The following KRT80 variants were observed in gnomAD, a reference collection of about 807,000 sequenced individuals.
KRT80 encodes keratin 80, also known as keratin, type II cytoskeletal 80.
In KRT80, 36 loss-of-function variants were observed where a neutral mutation model predicts 51.5. That is an observed-to-expected ratio of 0.70 (90% confidence interval 0.54 to 0.92). The LOEUF (loss-of-function observed/expected upper bound fraction) is 0.92. Among genes scored for constraint, KRT80 ranks in the 40% least tolerant of loss-of-function variants. The pLI is 0.00. For synonymous variants in KRT80, 235 were observed against 248.3 expected (o/e 0.95, Z 0.50); for missense variants, 566 against 591.7 (o/e 0.96, Z 0.45).
intron 2 of KRT80, among the ~76,000 whole-genome samples, chr12:52,182,203 G>C (rs1040169995): frequency 6.5e-4 from 99 of 152,302 alleles, no homozygotes; most frequent in African/African-American, 2.3e-3. Flanking sequence ...GCAGGCCGGG[G>C]AGAACGTTCT....
intron 4 of KRT80, among the ~76,000 whole-genome samples, chr12:52,178,321 G>A (rs1487436791): frequency 5.9e-5 from 9 of 152,214 alleles, no homozygotes; most frequent in Admixed American, 4.6e-4. Flanking sequence ...GGTCCAAGTC[G>A]TGAGACAACC....
At chr12:52,176,275 T>C (rs893232720) in intron 4 of KRT80, among the ~76,000 whole-genome samples, 4 of 152,178 alleles carry the variant, frequency 2.6e-5, no homozygotes, top group Non-Finnish European at 4.4e-5. Flanking sequence ...ATGGGACCCC[T>C]GGAGAGCACG....
At chr12:52,182,072 A>G (rs569079557) in intron 2 of KRT80, among the ~76,000 whole-genome samples, 1 of 152,238 alleles carries the variant, frequency 6.6e-6, no homozygotes, top group Admixed American at 6.5e-5. Flanking sequence ...ACCCAATGGC[A>G]GGGCACGTGG....
intron 4 of KRT80, among the ~76,000 whole-genome samples, chr12:52,180,090 T>G (rs1941294022): frequency 6.6e-6 from 1 of 152,216 alleles, no homozygotes; most frequent in Non-Finnish European, 1.5e-5. Flanking sequence ...GGCAGGCCTA[T>G]CAGAACTAGC....
intron 1 of KRT80, 68 bp downstream of exon 1, chr12:52,191,535 A>T: frequency 6.9e-7 from 1 of 1,443,756 alleles, no homozygotes; most frequent in Non-Finnish European, 9.4e-7. Flanking sequence ...GCTCAGGGAA[A>T]CACAGAGCTC....
Position 52,171,373 on chromosome 12 carries a change from C to A in KRT80, c.*25G>T. ...GTCCCTCCTGCTGCAGTGGAGTGCC[C>A]TGGGGTTCCTGGGGTCCAGCCGCCT... On this transcript the variant is annotated 3_prime_UTR_variant, in exon 9 of 9. Coordinates refer to ENST00000394815, the MANE Select transcript of KRT80 (RefSeq NM_182507.3). The A allele has an allele frequency of 6.4e-7, 1 of 1,558,876 alleles. No individual in the cohort carries two copies. Among genetic ancestry groups the A allele is most frequent in the South Asian group, 1.2e-5 (1 of 80,366 alleles).
chr12:52,180,990 C>G (rs990893354), intron 2 of KRT80, 27 bp from the exon 3 acceptor site: 2 of 1,508,896 alleles, frequency 1.3e-6, no homozygotes, highest in African/African-American at 2.8e-5. Context: ...GGTTGCTCAG[C>G]TGGATATGGT....
intron 3 of KRT80, 117 bp from the exon 4 acceptor site, chr12:52,180,725 T>C (rs766991787): frequency 6.2e-7 from 1 of 1,600,784 alleles, no homozygotes; most frequent in South Asian, 1.1e-5. Flanking sequence ...GAGATCTGGC[T>C]CAGAGCCTCG....
At chr12:52,189,786 G>A (rs1022477614) in intron 1 of KRT80, among the ~76,000 whole-genome samples, 1 of 152,250 alleles carries the variant, frequency 6.6e-6, no homozygotes, top group African/African-American at 2.4e-5. Flanking sequence ...AGGGTTGGGA[G>A]GCTCCAATTC....
chr12:52,187,288 T>A (rs761904289), intron 1 of KRT80, among the ~76,000 whole-genome samples: 7 of 152,218 alleles, frequency 4.6e-5, no homozygotes, highest in Non-Finnish European at 7.4e-5. Context: ...CCCAGAATCG[T>A]AGCCTGCGAG....
intron 2 of KRT80, 47 bp downstream of exon 2, chr12:52,185,331 GT>G (rs1341643135): frequency 1.9e-6 from 3 of 1,549,126 alleles, no homozygotes; most frequent in Non-Finnish European, 2.6e-6. Context: ...GCACAGCTTG[GT>G]CCCAGCCCTC....
At chr12:52,178,611 G>A (rs952017925) in intron 4 of KRT80, among the ~76,000 whole-genome samples, 1 of 152,360 alleles carries the variant, frequency 6.6e-6, no homozygotes, top group East Asian at 1.9e-4. Context: ...ACCCTGCGAA[G>A]CGATCTTGTC....
chr12:52,187,462 G>A (rs766549786), intron 1 of KRT80, among the ~76,000 whole-genome samples: 5 of 152,182 alleles, frequency 3.3e-5, no homozygotes, highest in Non-Finnish European at 7.3e-5. Flanking sequence ...CTGCACCTTC[G>A]TAGGCTCCCG....
At position 52,173,057 on chromosome 12, in the gene KRT80, A is replaced by C; in HGVS notation, c.938T>G (p.Ile313Ser). 1 of 1,612,028 alleles carries C rather than the reference A, an allele frequency of 6.2e-7. No individual in the cohort carries two copies. The highest frequency in any genetic ancestry group is 8.5e-7 in the Non-Finnish European group (1 of 1,178,558). The change falls in exon 6 of 9, where the codon ATC becomes AGC. Residue 313 changes from isoleucine (I) to serine (S), a missense_variant. Transcript: ENST00000394815. ...ACTCACATGGCTCTTGACAGAGAGGATCTGGGACCGCAGCTTCTGGATGCG... is the reference window on the plus strand; with the variant it reads ...ACTCACATGGCTCTTGACAGAGAGGCTCTGGGACCGCAGCTTCTGGATGCG... The part of the protein sequence containing the change: ...NVRIQKLRSQ[I>S]LSVKSHCLKL...
chr12:52,179,245 A>C (rs1393986471), intron 4 of KRT80, among the ~76,000 whole-genome samples: 1 of 152,184 alleles, frequency 6.6e-6, no homozygotes, highest in Non-Finnish European at 1.5e-5. Context: ...TGGAGACAGG[A>C]GATGGCCCTG....
At chr12:52,174,382 A>G (rs1433875236) in intron 4 of KRT80, among the ~76,000 whole-genome samples, 1 of 152,234 alleles carries the variant, frequency 6.6e-6, no homozygotes, top group Non-Finnish European at 1.5e-5. Context: ...CTGAAAGCCA[A>G]CAGCCTGTGA....
rs1446905609 is a variant in KRT80 at position 52,180,893 on chromosome 12, G to C, written c.570+10C>G. ...AGGAAGGAGCCCCTGGGGCAGGCTG[G>C]GCAGGCTACCTTCTTCAGCTGAACA... On this transcript the variant is annotated intron_variant, in intron 3 of 8. Coordinates refer to ENST00000394815, the MANE Select transcript of KRT80 (RefSeq NM_182507.3). The C allele has an allele frequency of 6.3e-7, 1 of 1,597,888 alleles. No homozygotes were observed. The highest frequency in any genetic ancestry group is 1.1e-5 in the South Asian group (1 of 88,936).
At chr12:52,177,136 C>T (rs148243862) in intron 4 of KRT80, among the ~76,000 whole-genome samples, 2 of 152,300 alleles carry the variant, frequency 1.3e-5, no homozygotes, top group Non-Finnish European at 2.9e-5. Flanking sequence ...ATAGAGTTGT[C>T]GTGAGAATTA....
Position 52,171,409 on chromosome 12 carries a change from C to T in KRT80, c.1348G>A (p.Val450Ile), listed in dbSNP as rs141488153. Residue 450 changes from valine (V) to isoleucine (I), a missense_variant, in exon 9 of 9, where the codon GTC becomes ATC. Transcript: ENST00000394815. The stretch of plus-strand genomic sequence containing the variant: ...GGGGTCCAGCCGCCTTACTCTGAGA[C>T]CTCCGACTCCTGCGAGAAGTACTTC... The part of the protein sequence containing the change: ...SEKYFSQESE[V>I]SE 8 of 1,595,394 alleles carry T rather than the reference C, an allele frequency of 5.0e-6. No individual in the cohort carries two copies. In the African/African-American group the frequency reaches 9.4e-5, roughly 19 times the overall value.
Sources: allele counts gnomAD v4.1 joint callset (sites outside exome capture counted in the v4.1 genomes callset), GRCh38; gene constraint gnomAD v4.1.1; transcripts MANE v1.5; gene names NCBI Gene and HGNC (gene_info 2026-07-23, HGNC 2026-07-21).